Variants in UNC13C observed in about 807,000 individuals in gnomAD.
UNC13C encodes protein unc-13 homolog C.
Under a neutral mutation model 245.4 loss-of-function variants are expected in UNC13C, and 174 were observed. That is an observed-to-expected ratio of 0.71 (90% CI 0.63 to 0.80). The LOEUF is 0.80. Ranked by LOEUF, UNC13C falls within the 30% of genes least tolerant of loss-of-function variation. The pLI, the probability that UNC13C is intolerant of heterozygous loss-of-function variation, is 0.00. For synonymous variants in UNC13C, 992 were observed against 895.1 expected, an observed-to-expected ratio of 1.11 and a Z score of -1.93; for missense variants, 2,829 against 2,602.9, an observed-to-expected ratio of 1.09 and a Z score of -1.89.
chr15:53,916,265 G>C, the UNC13C span, among the ~76,000 whole-genome samples: 1 of 152,204 alleles, frequency 6.6e-6, no homozygotes, highest in Admixed American at 6.5e-5. Flanking sequence ...CCAAGTCTTA[G>C]GGTCTAGTGG....
At position 54,070,016 on chromosome 15, in the gene UNC13C, G is replaced by T. The variant is rs191181038; in HGVS notation, c.2983+54130G>T. Among the ~76,000 whole-genome samples the T allele has an allele frequency of 2.6e-3, 389 of 152,304 alleles. 1 individual carries two copies. Among genetic ancestry groups the T allele is most frequent in the Non-Finnish European group, 4.3e-3 (295 of 68,024 alleles). On this transcript the variant is annotated intron_variant, in intron 2 of 32. Transcript: ENST00000260323. ...TCCGTTTTATAATGATCCTTAGACA[G>T]TTATGTAATAAGCTCAAGGTCATAG...
chr15:54,209,232 A>G (rs1413191328), intron 4 of UNC13C, among the ~76,000 whole-genome samples: 1 of 152,102 alleles, frequency 6.6e-6, no homozygotes, highest in African/African-American at 2.4e-5. Flanking sequence ...AAAGAAGGGA[A>G]AAGGGCTCTT....
At chr15:54,630,170 A>AGAT (rs1173041946), downstream of UNC13C, 1 of 152,226 alleles carries the variant, frequency 6.6e-6, no homozygotes, top group Non-Finnish European at 1.5e-5. Flanking sequence ...AGGTCTTTAA[A>AGAT]GATACACGTG....
chr15:54,172,440 T>C (rs1479043728), intron 4 of UNC13C, among the ~76,000 whole-genome samples: 4 of 151,558 alleles, frequency 2.6e-5, no homozygotes, highest in African/African-American at 9.7e-5. Flanking sequence ...ATGAATGAGG[T>C]AATACAGTAA....
intron 2 of UNC13C, among the ~76,000 whole-genome samples, chr15:54,116,847 G>A (rs1483806521): frequency 4.6e-5 from 7 of 152,052 alleles, no homozygotes; most frequent in East Asian, 1.9e-4. Flanking sequence ...AGGAACCTCC[G>A]TATAGTTTTC....
rs556767056 is a variant in UNC13C, at chr15:54,416,425, A to G, written c.4933+1358A>G. The stretch of plus-strand genomic sequence containing the variant: ...GTCAGGCTCTCCCACTCACAAATAG[A>G]GAGGTTTATCTAATCTTTAAAATCA... On this transcript the variant is annotated intron_variant, in intron 19 of 32. Transcript: ENST00000260323. Among the ~76,000 whole-genome samples, 10 of 152,232 alleles carry G rather than the reference A, an allele frequency of 6.6e-5. No individual in the cohort carries two copies. In the East Asian group the frequency reaches 1.9e-3, roughly 30 times the overall value.
intron 10 of UNC13C, among the ~76,000 whole-genome samples, chr15:54,277,268 T>C (rs1190750949): frequency 6.6e-6 from 1 of 152,210 alleles, no homozygotes; most frequent in African/African-American, 2.4e-5. Context: ...CAGTAAACTT[T>C]GAAGCTGATT....
At chr15:54,487,297 T>C (rs1003900977) in intron 19 of UNC13C, among the ~76,000 whole-genome samples, 1 of 152,164 alleles carries the variant, frequency 6.6e-6, no homozygotes, top group African/African-American at 2.4e-5. Flanking sequence ...TGGCATGAGT[T>C]TCAGTGGTCA....
rs186092885 is a variant in UNC13C at position 53,998,790 on chromosome 15, A to T, written c.-256-13858A>T. Among the ~76,000 whole-genome samples, 9 of 152,190 alleles carry T rather than the reference A, an allele frequency of 5.9e-5. No individual in the cohort carries two copies. The East Asian group carries it at 1.7e-3, about 29-fold the overall frequency. ...TGATGTTTTCTTCTATTTTGCTAAGAAATGTTTTATGGCATAAATGGGTGT... is the reference window on the plus strand; with the variant it reads ...TGATGTTTTCTTCTATTTTGCTAAGTAATGTTTTATGGCATAAATGGGTGT... On this transcript the variant is annotated intron_variant, in intron 1 of 32. Coordinates refer to ENST00000260323, the MANE Select transcript of UNC13C (RefSeq NM_001080534.3).
At chr15:53,907,249 A>G in the UNC13C span, among the ~76,000 whole-genome samples, 1 of 152,304 alleles carries the variant, frequency 6.6e-6, no homozygotes, top group Non-Finnish European at 1.5e-5. Flanking sequence ...TTTCTGTTTT[A>G]TGCAAACAAC....
At chr15:54,443,290 G>A (rs949188299) in intron 19 of UNC13C, among the ~76,000 whole-genome samples, 2 of 151,714 alleles carry the variant, frequency 1.3e-5, no homozygotes, top group Admixed American at 1.3e-4. Flanking sequence ...TTGTTTATTT[G>A]GATCTTTTTC....
At chr15:53,899,866 G>T in the UNC13C span, among the ~76,000 whole-genome samples, 1 of 152,064 alleles carries the variant, frequency 6.6e-6, no homozygotes, top group Admixed American at 6.6e-5. Flanking sequence ...TTCCTTTTTA[G>T]TTTCTTATCT....
chr15:54,496,595 G>GTT, intron 20 of UNC13C, among the ~76,000 whole-genome samples: 1 of 151,244 alleles, frequency 6.6e-6, no homozygotes, highest in African/African-American at 2.4e-5. Context: ...GTGTGTGTGT[G>GTT]TATATATATA....
chr15:54,507,210 C>G lies in UNC13C; in HGVS notation c.5379+16C>G. 1 of 1,529,220 alleles carries G rather than the reference C, an allele frequency of 6.5e-7. No homozygotes were observed. The highest frequency in any genetic ancestry group is 8.9e-7 in the Non-Finnish European group (1 of 1,119,526). 94.7% of individuals were successfully genotyped at this position (1,529,220 alleles called of 1,614,324 possible). A position where few individuals can be genotyped will look rare whatever the true frequency, so the allele number is the denominator to read the frequency against. On this transcript the variant is annotated intron_variant, in intron 23 of 32. Transcript: ENST00000260323. Reference sequence around the variant, plus strand: ...GGAAAATGTGGTAAGTAAAAAATGTCTCTACTTTCAAGTATCTCTCAGTTG... The same window carrying G: ...GGAAAATGTGGTAAGTAAAAAATGTGTCTACTTTCAAGTATCTCTCAGTTG...
At chr15:54,099,762 C>T (rs1036684592) in intron 2 of UNC13C, among the ~76,000 whole-genome samples, 1 of 152,020 alleles carries the variant, frequency 6.6e-6, no homozygotes, top group Non-Finnish European at 1.5e-5. Flanking sequence ...AGCATTTTCT[C>T]CTATAAAGTA....
chr15:54,135,585 C>A (rs377237984), intron 2 of UNC13C, among the ~76,000 whole-genome samples: 1 of 151,878 alleles, frequency 6.6e-6, no homozygotes. Context: ...ATTCTTGGCA[C>A]CTTCATCAAA....
chr15:54,584,634 C>T (rs1898392919), intron 30 of UNC13C, among the ~76,000 whole-genome samples: 1 of 152,156 alleles, frequency 6.6e-6, no homozygotes, highest in South Asian at 2.1e-4. Context: ...AGGAGTAAGC[C>T]AATTTGGAAA....
At chr15:54,111,776 A>G (rs555286445) in intron 2 of UNC13C, among the ~76,000 whole-genome samples, 3 of 152,298 alleles carry the variant, frequency 2.0e-5, no homozygotes, top group South Asian at 4.1e-4. Flanking sequence ...GACCACTCCA[A>G]GGGGGCAGAG....
intron 19 of UNC13C, among the ~76,000 whole-genome samples, chr15:54,425,172 A>G (rs1446285999): frequency 6.6e-6 from 1 of 151,872 alleles, no homozygotes; most frequent in Non-Finnish European, 1.5e-5. Flanking sequence ...CCTTAGTACC[A>G]TCACTAGAAT....
Sources: allele counts gnomAD v4.1 joint callset (sites outside exome capture counted in the v4.1 genomes callset), GRCh38; gene constraint gnomAD v4.1.1; transcripts MANE v1.5; gene names NCBI Gene and HGNC (gene_info 2026-07-23, HGNC 2026-07-21).